ULK4: variants seen among roughly 807,000 people sequenced by gnomAD.
The protein encoded by ULK4 is unc-51 like kinase 4.
Under a neutral mutation model 160.6 loss-of-function variants are expected in ULK4, and 133 were observed. That is an observed-to-expected ratio of 0.83 (90% confidence interval 0.72 to 0.96). ULK4 has a LOEUF of 0.96. Ranked by LOEUF, ULK4 falls within the 40% of genes least tolerant of loss-of-function variation. ULK4 has a pLI of 0.00. For synonymous variants in ULK4, 534 were observed against 539.8 expected (o/e 0.99, Z 0.15); for missense variants, 1,580 against 1,499.5 (o/e 1.05, Z -0.89).
rs145866257 is a variant in ULK4, at chr3:41,922,071, T to C, written c.542-2253A>G. Among the ~76,000 whole-genome samples the C allele has an allele frequency of 8.5e-3, 1,294 of 152,164 alleles. 17 individuals are homozygous for C. Among genetic ancestry groups the C allele is most frequent in the African/African-American group, 0.03 (1,246 of 41,504 alleles). On this transcript the variant is annotated intron_variant, in intron 5 of 36. Transcript: ENST00000301831. ...CGGAGGCTGAGGCAGGAGAATGGCA[T>C]GAACCCAGGAGGCGGAGCTTGCAGT...
intron 30 of ULK4, among the ~76,000 whole-genome samples, chr3:41,650,044 C>G (rs1023151036): frequency 6.6e-6 from 1 of 152,020 alleles, no homozygotes; most frequent in Non-Finnish European, 1.5e-5. Context: ...TCGGGACAAC[C>G]TGCCTGTGGA....
intron 18 of ULK4, among the ~76,000 whole-genome samples, chr3:41,824,112 A>G (rs142115265): frequency 0.2 from 29,798 of 149,162 alleles, 3,433 homozygotes; most frequent in African/African-American, 0.32. Context: ...GCAGTGAGCC[A>G]AGATTATGTC....
At chr3:41,263,866 A>G (rs1213509556) in intron 35 of ULK4, among the ~76,000 whole-genome samples, 1 of 152,226 alleles carries the variant, frequency 6.6e-6, no homozygotes, top group Non-Finnish European at 1.5e-5. Flanking sequence ...TGTATTGAGC[A>G]CCTATGTGTT....
chr3:41,442,718 C>G (rs181098938), intron 34 of ULK4, among the ~76,000 whole-genome samples: 52 of 152,122 alleles, frequency 3.4e-4, no homozygotes, highest in Admixed American at 1.6e-3. Flanking sequence ...CTCAGTCTCC[C>G]AAAGCACTGG....
At chr3:41,749,579 A>G (rs1404706014) in intron 22 of ULK4, among the ~76,000 whole-genome samples, 1 of 152,200 alleles carries the variant, frequency 6.6e-6, no homozygotes, top group Non-Finnish European at 1.5e-5. Context: ...GGGCTAAGCT[A>G]TGATGTTCAG....
At chr3:41,285,964 G>A (rs1484073062) in intron 35 of ULK4, among the ~76,000 whole-genome samples, 2 of 152,144 alleles carry the variant, frequency 1.3e-5, no homozygotes, top group Non-Finnish European at 2.9e-5. Context: ...TCACCAGGGA[G>A]GAAAATTTGG....
intron 35 of ULK4, among the ~76,000 whole-genome samples, chr3:41,266,606 G>T (rs2125681659): frequency 6.6e-6 from 1 of 152,258 alleles, no homozygotes; most frequent in East Asian, 1.9e-4. Context: ...TATAATACAA[G>T]GTTAGGTCTC....
chr3:41,332,954 A>C (rs1310224781), intron 35 of ULK4, among the ~76,000 whole-genome samples: 2 of 152,206 alleles, frequency 1.3e-5, no homozygotes, highest in African/African-American at 4.8e-5. Flanking sequence ...AATATTTTCT[A>C]GTCATCTCAT....
chr3:41,393,661 C>G (rs1375105945), intron 35 of ULK4, among the ~76,000 whole-genome samples: 1 of 152,150 alleles, frequency 6.6e-6, no homozygotes, highest in African/African-American at 2.4e-5. Flanking sequence ...CAGGGAGCAG[C>G]AAGATCATGT....
At chr3:41,668,786 T>C (rs1212667186) in intron 29 of ULK4, among the ~76,000 whole-genome samples, 2 of 152,174 alleles carry the variant, frequency 1.3e-5, no homozygotes, top group African/African-American at 4.8e-5. Context: ...GGAAAAAATT[T>C]TGACTTTATT....
At chr3:41,482,150 C>A (rs531492909) in intron 32 of ULK4, among the ~76,000 whole-genome samples, 105 of 152,234 alleles carry the variant, frequency 6.9e-4, no homozygotes, top group Admixed American at 2.5e-3. Flanking sequence ...GATCCAAGAA[C>A]CCTCTTTTGG....
intron 34 of ULK4, among the ~76,000 whole-genome samples, chr3:41,416,378 G>C (rs2082526528): frequency 6.6e-6 from 1 of 152,170 alleles, no homozygotes; most frequent in African/African-American, 2.4e-5. Context: ...GGCAAGCACT[G>C]AGCAGAGCTT....
intron 35 of ULK4, among the ~76,000 whole-genome samples, chr3:41,373,314 C>T (rs1313401282): frequency 6.6e-6 from 1 of 152,086 alleles, no homozygotes; most frequent in Non-Finnish European, 1.5e-5. Flanking sequence ...AACTTGCCAC[C>T]CCAAATCAAC....
intron 30 of ULK4, among the ~76,000 whole-genome samples, chr3:41,650,875 C>T (rs758732247): frequency 2.0e-5 from 3 of 152,168 alleles, no homozygotes; most frequent in Non-Finnish European, 4.4e-5. Flanking sequence ...AATTTATCAG[C>T]CCCCTGCACT....
At chr3:41,440,916 T>C (rs533114647) in intron 34 of ULK4, among the ~76,000 whole-genome samples, 17 of 152,254 alleles carry the variant, frequency 1.1e-4, no homozygotes, top group African/African-American at 2.2e-4. Context: ...AGTTCTTTCA[T>C]TGATTGGCAT....
chr3:41,753,556 G>C (rs1232989364), intron 22 of ULK4, among the ~76,000 whole-genome samples: 1 of 152,174 alleles, frequency 6.6e-6, no homozygotes, highest in African/African-American at 2.4e-5. Flanking sequence ...CCTCCTTTTA[G>C]AGCAAAGAGT....
intron 31 of ULK4, among the ~76,000 whole-genome samples, chr3:41,603,566 T>C (rs779678743): frequency 1.3e-5 from 2 of 152,000 alleles, no homozygotes; most frequent in South Asian, 2.1e-4. Context: ...TCCATAAACA[T>C]AGATGCCTGA....
intron 32 of ULK4, among the ~76,000 whole-genome samples, chr3:41,506,807 T>TATATATA (rs1559658299): frequency 9.0e-6 from 1 of 110,694 alleles, no homozygotes; most frequent in African/African-American, 3.4e-5. Context: ...TATATATATA[T>TATATATA]GAACATGTTT....
At chr3:41,661,369 GAATTT>G (rs1281005414) in intron 30 of ULK4, among the ~76,000 whole-genome samples, 2 of 151,912 alleles carry the variant, frequency 1.3e-5, no homozygotes, top group Non-Finnish European at 2.9e-5. Context: ...ACCACGAAGT[GAATTT>G]ATTTCAGTAT....
Sources: allele counts gnomAD v4.1 joint callset (sites outside exome capture counted in the v4.1 genomes callset), GRCh38; gene constraint gnomAD v4.1.1; transcripts MANE v1.5; gene names NCBI Gene and HGNC (gene_info 2026-07-23, HGNC 2026-07-21).